The following ANO4 variants were observed in gnomAD, a reference collection of about 807,000 sequenced individuals.
ANO4 encodes anoctamin-4.
A neutral mutation model predicts 141.9 loss-of-function variants in ANO4; 69 were observed. That is an observed-to-expected ratio of 0.49 (90% CI 0.40 to 0.59). ANO4 has a LOEUF of 0.59. ANO4 is among the 20% of genes least tolerant of loss of function. The probability of loss-of-function intolerance (pLI) is 0.00; values close to 1 mark genes in which losing one functional copy is unlikely to be tolerated. For synonymous variants in ANO4, 350 were observed against 394.3 expected (o/e 0.89, Z 1.33); for missense variants, 894 against 1,162.2 (o/e 0.77, Z 3.36).
chr12:101,087,792 T>C (rs2049566982), intron 17 of ANO4, among the ~76,000 whole-genome samples: 1 of 152,002 alleles, frequency 6.6e-6, no homozygotes, highest in Admixed American at 6.6e-5. Flanking sequence ...AGACTAAAAG[T>C]CGTGGCATTC....
intron 1 of ANO4, among the ~76,000 whole-genome samples, chr12:100,808,739 A>G (rs1419565230): frequency 6.6e-6 from 1 of 152,232 alleles, no homozygotes; most frequent in Non-Finnish European, 1.5e-5. Flanking sequence ...ACCTGGGGAA[A>G]AATATTGAAA....
intron 9 of ANO4, among the ~76,000 whole-genome samples, chr12:101,031,221 A>G (rs1396695646): frequency 6.6e-6 from 1 of 152,226 alleles, no homozygotes; most frequent in Non-Finnish European, 1.5e-5. Context: ...GCAGCACATC[A>G]AAAAGCTTAG....
chr12:100,948,880 G>C (rs1030056311), intron 5 of ANO4, among the ~76,000 whole-genome samples: 1 of 152,172 alleles, frequency 6.6e-6, no homozygotes, highest in African/African-American at 2.4e-5. Context: ...TGTCACTCCT[G>C]TGATTATCTT....
chr12:100,881,805 A>G (rs2039583543), intron 1 of ANO4, among the ~76,000 whole-genome samples: 1 of 152,242 alleles, frequency 6.6e-6, no homozygotes, highest in Non-Finnish European at 1.5e-5. Context: ...GTTATTTAAT[A>G]CATAACACTG....
chr12:101,007,798 C>A (rs1592996712), intron 8 of ANO4, among the ~76,000 whole-genome samples: 1 of 152,146 alleles, frequency 6.6e-6, no homozygotes, highest in South Asian at 2.1e-4. Context: ...TAGCTTACTG[C>A]AGCCTTGAAA....
chr12:100,806,654 C>T (rs1363850022), intron 1 of ANO4, among the ~76,000 whole-genome samples: 1 of 146,790 alleles, frequency 6.8e-6, no homozygotes, highest in East Asian at 2.2e-4. Flanking sequence ...AAGCAATTCT[C>T]CTGCCTCAGC....
chr12:100,722,131 T>G (rs1252093489), intron 1 of ANO4, among the ~76,000 whole-genome samples: 1 of 152,200 alleles, frequency 6.6e-6, no homozygotes, highest in Non-Finnish European at 1.5e-5. Context: ...TATTATCAAC[T>G]CCTGCTCCTA....
rs546442687 is a variant in ANO4 at position 100,775,205 on chromosome 12, T to G, written c.358+35100T>G. Reference sequence around the variant, plus strand: ...GAGTGAAAAACTGAGCACACTAAAATAGCAGTCTTTCAAACATACAGAAAA... The same window carrying G: ...GAGTGAAAAACTGAGCACACTAAAAGAGCAGTCTTTCAAACATACAGAAAA... On this transcript the variant is annotated intron_variant, in intron 3 of 29. Coordinates refer to the ANO4 transcript ENST00000644049. Among the ~76,000 whole-genome samples, 14 of 152,324 alleles carry G rather than the reference T, an allele frequency of 9.2e-5. 1 individual carries two copies. Among genetic ancestry groups the G allele is most frequent in the African/African-American group, 3.1e-4 (13 of 41,578 alleles).
At chr12:101,027,503 G>A (rs2046791810) in intron 9 of ANO4, among the ~76,000 whole-genome samples, 1 of 152,198 alleles carries the variant, frequency 6.6e-6, no homozygotes, top group African/African-American at 2.4e-5. Context: ...TATAACTCCA[G>A]GCCATGCTTT....
intron 1 of ANO4, among the ~76,000 whole-genome samples, chr12:100,816,170 C>G (rs970117559): frequency 1.3e-5 from 2 of 151,976 alleles, no homozygotes; most frequent in African/African-American, 4.8e-5. Flanking sequence ...TTTAAAATGA[C>G]TGTAGTGAAC....
intron 2 of ANO4, among the ~76,000 whole-genome samples, chr12:100,904,864 C>T (rs2040764679): frequency 6.6e-6 from 1 of 152,082 alleles, no homozygotes; most frequent in South Asian, 2.1e-4. Flanking sequence ...CAGAATGATC[C>T]AGTGGAGAAA....
At chr12:101,046,290 G>A (rs2047628436) in intron 13 of ANO4, among the ~76,000 whole-genome samples, 1 of 152,228 alleles carries the variant, frequency 6.6e-6, no homozygotes, top group African/African-American at 2.4e-5. Context: ...TTTCACCCAT[G>A]TCTAACAGAG....
intron 9 of ANO4, among the ~76,000 whole-genome samples, chr12:101,020,874 GT>G (rs1329877141): frequency 6.6e-6 from 1 of 152,134 alleles, no homozygotes; most frequent in Non-Finnish European, 1.5e-5. Flanking sequence ...TTTCCAGCAA[GT>G]TTTTTATCAA....
intron 1 of ANO4, among the ~76,000 whole-genome samples, chr12:100,812,248 T>C (rs1025078120): frequency 6.6e-6 from 1 of 152,214 alleles, no homozygotes; most frequent in Non-Finnish European, 1.5e-5. Flanking sequence ...TTCTGTTGAT[T>C]AAGTAATTCT....
At chr12:100,763,720 A>G (rs2032969254) in intron 3 of ANO4, among the ~76,000 whole-genome samples, 2 of 152,176 alleles carry the variant, frequency 1.3e-5, no homozygotes, top group Admixed American at 6.5e-5. Flanking sequence ...GTGGGCTTTC[A>G]TGAATTGACC....
chr12:101,084,963 T>C (rs551523869), intron 16 of ANO4, among the ~76,000 whole-genome samples: 3 of 152,316 alleles, frequency 2.0e-5, no homozygotes, highest in African/African-American at 7.2e-5. Flanking sequence ...GCCATCCTTG[T>C]CTGAATTTCA....
intron 1 of ANO4, among the ~76,000 whole-genome samples, chr12:100,840,380 G>A (rs1021551629): frequency 6.6e-5 from 10 of 152,026 alleles, no homozygotes; most frequent in African/African-American, 2.4e-4. Flanking sequence ...ATAACTTTAC[G>A]ATTTTCAGAG....
In ANO4 at chr12:100,901,797, C is replaced by G; in HGVS notation, c.12C>G (p.Ser4Arg). 1.9e-5 allele frequency: 30 copies of G among 1,613,772 alleles called. No individual in the cohort carries two copies. The highest frequency in any genetic ancestry group is 2.5e-5 in the Non-Finnish European group (30 of 1,179,894). The change falls in exon 2 of 28, where the codon AGC becomes AGG. Residue 4 changes from serine (S) to arginine (R), a missense_variant. Around this residue, in one of 2 missense-constraint regions of ANO4, gnomAD observed 257 missense variants for 253.0 expected, o/e 1.02. Transcript: ENST00000392977. Reference protein sequence around the residue: MEASSSGITNGKTK... With the variant: MEARSSGITNGKTK... ...GAAGGTCAATAAAAATGGAGGCAAGCTCTTCTGGAATCACTAATGGAAAAA... is the reference window on the plus strand; with the variant it reads ...GAAGGTCAATAAAAATGGAGGCAAGGTCTTCTGGAATCACTAATGGAAAAA...
chr12:100,818,751 C>T (rs1223207540), intron 1 of ANO4, among the ~76,000 whole-genome samples: 3 of 151,818 alleles, frequency 2.0e-5, no homozygotes, highest in Non-Finnish European at 2.9e-5. Flanking sequence ...CGTGATTTTG[C>T]CTCCCAGAGA....
Sources: gnomAD v4.1 joint callset for allele counts (sites outside exome capture counted in the v4.1 genomes callset) on GRCh38, gnomAD v4.1.1 for gene constraint, gnomAD v4.1.1 regional missense constraint, MANE v1.5 for transcripts, NCBI Gene and HGNC (gene_info 2026-07-23, HGNC 2026-07-21) for gene names.